Variants in TAF4 observed in about 807,000 individuals in gnomAD.
TAF4 encodes transcription initiation factor TFIID subunit 4.
Under a neutral mutation model 90.3 loss-of-function variants are expected in TAF4, and 9 were observed. That is an observed-to-expected ratio of 0.10 (90% CI 0.06 to 0.17). The LOEUF (loss-of-function observed/expected upper bound fraction) is 0.17. Among genes scored for constraint, TAF4 ranks in the 10% least tolerant of loss-of-function variants. TAF4 has a pLI of 1.00. For synonymous variants in TAF4, 818 were observed against 638.9 expected (o/e 1.28, Z -4.23); for missense variants, 1,351 against 1,370.7 (o/e 0.99, Z 0.23).
intron 1 of TAF4, among the ~76,000 whole-genome samples, chr20:62,050,853 C>A (rs370669330): frequency 6.6e-6 from 1 of 152,060 alleles, no homozygotes; most frequent in African/African-American, 2.4e-5. Context: ...CAGAACAAGG[C>A]ATGCCCAGCG....
chr20:62,032,015 CT>C (rs1344093507), intron 1 of TAF4, among the ~76,000 whole-genome samples: 2 of 152,252 alleles, frequency 1.3e-5, no homozygotes, highest in East Asian at 1.9e-4. Flanking sequence ...CCCCGCAGCA[CT>C]GTCCTTCTGC....
intron 1 of TAF4, among the ~76,000 whole-genome samples, chr20:62,018,483 T>C (rs1314359430): frequency 6.6e-6 from 1 of 152,274 alleles, no homozygotes; most frequent in Non-Finnish European, 1.5e-5. Flanking sequence ...GGGCGGCACC[T>C]GACCTACGAA....
At chr20:62,043,265 G>A (rs1045503345) in intron 1 of TAF4, among the ~76,000 whole-genome samples, 7 of 152,158 alleles carry the variant, frequency 4.6e-5, no homozygotes, top group Admixed American at 2.0e-4. Flanking sequence ...GCTGCAGTAA[G>A]CCATGATTGC....
intron 14 of TAF4, 141 bp downstream of exon 14, chr20:61,997,409 C>A: frequency 8.9e-7 from 1 of 1,119,698 alleles, no homozygotes; most frequent in South Asian, 3.2e-5. Flanking sequence ...AAACGTAAAA[C>A]AAATACTCCA....
At chr20:62,025,776 T>C (rs1186328982) in intron 1 of TAF4, among the ~76,000 whole-genome samples, 1 of 152,226 alleles carries the variant, frequency 6.6e-6, no homozygotes, top group African/African-American at 2.4e-5. Flanking sequence ...GCTGTCTGAC[T>C]GCATTTATAT....
intron 1 of TAF4, among the ~76,000 whole-genome samples, chr20:62,033,276 A>G (rs1280005306): frequency 6.6e-6 from 1 of 152,198 alleles, no homozygotes; most frequent in Non-Finnish European, 1.5e-5. Context: ...GTGTGGCAGG[A>G]ATCAGAGACC....
In TAF4 at chr20:62,064,503, C is replaced by A; in HGVS notation, c.1308G>T (p.Leu436Phe). Residue 436 changes from leucine (L) to phenylalanine (F), a missense_variant, in exon 1 of 15, where the codon TTG (leucine) becomes TTT (phenylalanine). Physicochemically the swap from Leu to Phe is conservative, Grantham distance 22 (BLOSUM62 0). Around this residue, in one of 9 missense-constraint regions of TAF4, gnomAD observed 782 missense variants for 536.6 expected, o/e 1.46. Transcript: ENST00000252996. ...TLTPTVLAPR[L>F]PQPPQNPTNI... Reference sequence around the variant, plus strand: ...TGGTCGGGTTCTGAGGCGGCTGCGGCAAGCGGGGGGCCAGCACGGTGGGCG... The same window carrying A: ...TGGTCGGGTTCTGAGGCGGCTGCGGAAAGCGGGGGGCCAGCACGGTGGGCG... 1.3e-6 allele frequency: 2 copies of A among 1,517,046 alleles called. No individual in the cohort carries two copies. The highest frequency in any genetic ancestry group is 2.6e-5 in the East Asian group (1 of 38,444). The allele number at this position is 1,517,046 out of a possible 1,614,324, so 94.0% of individuals were successfully genotyped here. A position where few individuals can be genotyped will look rare whatever the true frequency, so the allele number is the denominator to read the frequency against.
intron 14 of TAF4, among the ~76,000 whole-genome samples, chr20:61,993,407 A>C (rs1424301294): frequency 6.6e-6 from 1 of 152,246 alleles, no homozygotes; most frequent in Admixed American, 6.5e-5. Context: ...GGGCACCGCC[A>C]GCAATCCTGA....
At position 62,006,913 on chromosome 20, in the gene TAF4, AG is replaced by A; in HGVS notation, c.1975-156del. The A allele has an allele frequency of 9.4e-7, 1 of 1,063,242 alleles. No homozygotes were observed. Among genetic ancestry groups the A allele is most frequent in the African/African-American group, 1.6e-5 (1 of 60,886 alleles). 65.9% of individuals were successfully genotyped at this position (1,063,242 alleles called of 1,614,324 possible). ...GCAGCATGTCTGGATGTCAAGGGCC[AG>A]GACCCCATCCTGCCCTCCCACTAAG... On this transcript the variant is annotated intron_variant, in intron 6 of 14. Coordinates refer to ENST00000252996, the MANE Select transcript of TAF4 (RefSeq NM_003185.4). This position sits in a 1 kb window ranked among gnomAD's most constrained non-coding sequence, Gnocchi z 7.0.
chr20:61,977,673 C>T (rs2123085423), intron 14 of TAF4, among the ~76,000 whole-genome samples: 1 of 152,312 alleles, frequency 6.6e-6, no homozygotes, highest in East Asian at 1.9e-4. Context: ...CTGTGAGGGC[C>T]CTTCTTCAGA....
intron 1 of TAF4, among the ~76,000 whole-genome samples, chr20:62,056,193 C>G (rs988815399): frequency 6.6e-6 from 1 of 152,020 alleles, no homozygotes; most frequent in Non-Finnish European, 1.5e-5. Flanking sequence ...GCTGAGATTG[C>G]GCCACTGCAC....
At chr20:61,981,655 G>C (rs2055541733) in intron 14 of TAF4, among the ~76,000 whole-genome samples, 1 of 152,148 alleles carries the variant, frequency 6.6e-6, no homozygotes, top group African/African-American at 2.4e-5. Context: ...AGGGTCAGGA[G>C]AAAACAGGGC....
intron 14 of TAF4, among the ~76,000 whole-genome samples, chr20:61,983,665 AAGAT>A (rs1568921295): frequency 6.6e-6 from 1 of 152,192 alleles, no homozygotes; most frequent in Non-Finnish European, 1.5e-5. Flanking sequence ...CATGTCTCAA[AAGAT>A]AGATAAAAAT....
chr20:62,009,266 G>T, intron 4 of TAF4, 92 bp from the exon 5 acceptor site: 1 of 1,260,606 alleles, frequency 7.9e-7, no homozygotes, highest in Non-Finnish European at 1.1e-6. Flanking sequence ...ATGTACAAAA[G>T]ATACATATAT....
At chr20:62,033,927 T>C (rs139301718) in intron 1 of TAF4, among the ~76,000 whole-genome samples, 2 of 149,230 alleles carry the variant, frequency 1.3e-5, no homozygotes, top group Non-Finnish European at 3.0e-5. Context: ...CTGTAGTCCC[T>C]ACTACTTGGG....
intron 1 of TAF4, among the ~76,000 whole-genome samples, chr20:62,053,433 T>G (rs907666477): frequency 6.6e-6 from 1 of 152,138 alleles, no homozygotes; most frequent in Admixed American, 6.5e-5. Flanking sequence ...AAGTGCCCGG[T>G]CAGGCAGGAG....
At chr20:62,042,224 C>T (rs1052277063) in intron 1 of TAF4, among the ~76,000 whole-genome samples, 31 of 152,170 alleles carry the variant, frequency 2.0e-4, no homozygotes, top group African/African-American at 5.6e-4. Context: ...GTCTGAATGT[C>T]GAGAGGGGTT....
chr20:61,977,612 CTG>C (rs536398705), intron 14 of TAF4, among the ~76,000 whole-genome samples: 223 of 152,240 alleles, frequency 1.5e-3, no homozygotes, highest in African/African-American at 5.1e-3. Flanking sequence ...TTCTTTATTC[CTG>C]TGAGATTCAA....
chr20:62,004,895 A>G (rs1448580951), intron 7 of TAF4: 1 of 152,318 alleles, frequency 6.6e-6, no homozygotes, highest in Non-Finnish European at 1.5e-5. Flanking sequence ...CCCTGTCCCC[A>G]GGATGCTGGG....
Sources: allele counts gnomAD v4.1 joint callset (sites outside exome capture counted in the v4.1 genomes callset), GRCh38; gene constraint gnomAD v4.1.1; regional missense constraint gnomAD v4.1.1; non-coding constraint Gnocchi (gnomAD v3.1); transcripts MANE v1.5; gene names NCBI Gene and HGNC (gene_info 2026-07-23, HGNC 2026-07-21).